The following PLA2G4A variants were observed in gnomAD, a reference collection of about 807,000 sequenced individuals.
PLA2G4A encodes the protein cytosolic phospholipase A2.
A neutral mutation model predicts 81.9 loss-of-function variants in PLA2G4A; 40 were observed. The observed-to-expected ratio is 0.49, with a 90% confidence interval of 0.38 to 0.64. The LOEUF (loss-of-function observed/expected upper bound fraction) is 0.64. Ranked by LOEUF, PLA2G4A falls within the 30% of genes least tolerant of loss-of-function variation. The pLI is 0.00. For synonymous variants in PLA2G4A, 302 were observed against 296.9 expected (o/e 1.02, Z -0.18); for missense variants, 715 against 905.1 (o/e 0.79, Z 2.69).
At chr1:186,864,230 T>A (rs1652929307) in intron 2 of PLA2G4A, among the ~76,000 whole-genome samples, 1 of 152,032 alleles carries the variant, frequency 6.6e-6, no homozygotes. Flanking sequence ...TTCCACATCT[T>A]GATTATTGTG....
chr1:186,882,460 G>A (rs1031990920), intron 3 of PLA2G4A, among the ~76,000 whole-genome samples: 5 of 152,098 alleles, frequency 3.3e-5, no homozygotes, highest in African/African-American at 1.2e-4. Context: ...GTACAGCAAA[G>A]ATCTGTTAGA....
intron 2 of PLA2G4A, among the ~76,000 whole-genome samples, chr1:186,855,428 A>G (rs74137526): frequency 0.014 from 2,148 of 151,994 alleles, 62 homozygotes; most frequent in African/African-American, 0.047. Flanking sequence ...GAGGTATAAT[A>G]TACATAAAGT....
intron 15 of PLA2G4A, among the ~76,000 whole-genome samples, chr1:186,966,017 A>G (rs1571451622): frequency 6.6e-6 from 1 of 151,834 alleles, no homozygotes; most frequent in East Asian, 1.9e-4. Flanking sequence ...AACTGAAGAT[A>G]TATTAACAAG....
rs544286208 is a variant in PLA2G4A, at chr1:186,888,495, A to C, written c.116-4516A>C. Among the ~76,000 whole-genome samples the C allele has an allele frequency of 3.9e-5, 6 of 152,288 alleles. No homozygotes were observed. In the East Asian group the frequency reaches 1.2e-3, roughly 29 times the overall value. On this transcript the variant is annotated intron_variant, in intron 3 of 17. Transcript: ENST00000367466. ...ATTCAAGTAAAGATTAAGTCTGAAA[A>C]GGCAATTTCCCCACCTACGATTTGA...
intron 8 of PLA2G4A, among the ~76,000 whole-genome samples, chr1:186,935,077 A>G (rs1655893701): frequency 6.6e-6 from 1 of 152,016 alleles, no homozygotes; most frequent in African/African-American, 2.4e-5. Flanking sequence ...ATAAGCTGTC[A>G]TAGAGGAGAA....
At chr1:186,918,765 T>G (rs1655238417) in intron 7 of PLA2G4A, among the ~76,000 whole-genome samples, 1 of 152,236 alleles carries the variant, frequency 6.6e-6, no homozygotes, top group African/African-American at 2.4e-5. Context: ...CTTCAATAGT[T>G]ATGTGGGGAT....
chr1:186,866,200 G>T (rs1402834276), intron 2 of PLA2G4A, among the ~76,000 whole-genome samples: 1 of 152,000 alleles, frequency 6.6e-6, no homozygotes, highest in African/African-American at 2.4e-5. Context: ...GTTTGAAATT[G>T]CATGTGATAG....
chr1:186,962,385 T>G lies in PLA2G4A; in HGVS notation c.1580-3024T>G, dbSNP rs533350268. 4.6e-5 allele frequency among the ~76,000 whole-genome samples: 7 copies of G among 152,232 alleles called. No individual in the cohort carries two copies. The East Asian group carries it at 1.2e-3, about 25-fold the overall frequency. ...CTACCATACTCCCATTATTGTGTTT[T>G]TAAATGTTAGGTTGAATTGCGATAA... On this transcript the variant is annotated intron_variant, in intron 14 of 17. Coordinates refer to ENST00000367466, the MANE Select transcript of PLA2G4A (RefSeq NM_024420.3).
At chr1:186,885,947 A>T (rs1369951145) in intron 3 of PLA2G4A, among the ~76,000 whole-genome samples, 2 of 152,146 alleles carry the variant, frequency 1.3e-5, no homozygotes, top group African/African-American at 4.8e-5. Flanking sequence ...AGAGAGAGGG[A>T]ATAGGGCAAA....
intron 7 of PLA2G4A, among the ~76,000 whole-genome samples, chr1:186,912,254 A>G (rs528847702): frequency 6.6e-6 from 1 of 152,292 alleles, no homozygotes; most frequent in South Asian, 2.1e-4. Context: ...CCTAACTATC[A>G]ACATCCCACA....
At chr1:186,978,066 C>T (rs1337134123) in intron 16 of PLA2G4A, among the ~76,000 whole-genome samples, 1 of 152,116 alleles carries the variant, frequency 6.6e-6, no homozygotes, top group East Asian at 1.9e-4. Flanking sequence ...TATGTTTGTT[C>T]TGATTGATTT....
At chr1:186,862,130 G>A (rs1010652685) in intron 2 of PLA2G4A, among the ~76,000 whole-genome samples, 2 of 150,692 alleles carry the variant, frequency 1.3e-5, no homozygotes, top group African/African-American at 4.9e-5. Context: ...TTTTCTGATT[G>A]CCTTTTTATA....
chr1:186,975,698 G>A (rs996668291), intron 15 of PLA2G4A, among the ~76,000 whole-genome samples: 9 of 152,134 alleles, frequency 5.9e-5, no homozygotes, highest in East Asian at 1.9e-4. Flanking sequence ...GTGTTTGTTC[G>A]TTCCTCATTA....
chr1:186,966,942 G>A (rs1657153686), intron 15 of PLA2G4A, among the ~76,000 whole-genome samples: 2 of 152,080 alleles, frequency 1.3e-5, no homozygotes, highest in Admixed American at 1.3e-4. Flanking sequence ...TTTAGGTACT[G>A]GCCAAAATAT....
chr1:186,863,761 A>AT (rs35282734), intron 2 of PLA2G4A, among the ~76,000 whole-genome samples: 1,312 of 78,232 alleles, frequency 0.017, 11 homozygotes, highest in South Asian at 0.044. Flanking sequence ...CAAATATATA[A>AT]TTTTTTTTTT....
At position 186,986,039 on chromosome 1, in the gene PLA2G4A, G is replaced by C. The variant is rs149244226; in HGVS notation, c.2119-2338G>C. 8.3e-4 allele frequency among the ~76,000 whole-genome samples: 126 copies of C among 152,156 alleles called. No homozygotes were observed. The East Asian group carries it at 0.018, about 22-fold the overall frequency. On this transcript the variant is annotated intron_variant, in intron 17 of 17. Coordinates refer to ENST00000367466, the MANE Select transcript of PLA2G4A (RefSeq NM_024420.3). ...AACTCCCAAGAACAGGGTATTTTCC[G>C]CAGTAATGTGAAAAACCTGGTTAAT...
In PLA2G4A at chr1:186,962,362, A is replaced by G. The variant is rs1254216446; in HGVS notation, c.1580-3047A>G. The stretch of plus-strand genomic sequence containing the variant: ...ATATCCCCCCAAGTAAGTAGGGACT[A>G]CCATACTCCCATTATTGTGTTTTTA... On this transcript the variant is annotated intron_variant, in intron 14 of 17. Coordinates refer to ENST00000367466, the MANE Select transcript of PLA2G4A (RefSeq NM_024420.3). Among the ~76,000 whole-genome samples, 7 of 152,198 alleles carry G rather than the reference A, an allele frequency of 4.6e-5. No homozygotes were observed. The East Asian group carries it at 1.2e-3, about 25-fold the overall frequency.
Position 186,965,524 on chromosome 1 carries a change from G to C in PLA2G4A, c.1695G>C (p.Gln565His), listed in dbSNP as rs1182762405. The stretch of plus-strand genomic sequence containing the variant: ...CGTATCCCTTGATACTGAGACCTCA[G>C]AGAGGGGTTGATCTCATAATCTCCT... ...NLPYPLILRP[Q>H]RGVDLIISFD... Residue 565 changes from glutamine (Q) to histidine (H), a missense_variant, in exon 15 of 18, where the codon CAG becomes CAC. Physicochemically the swap from Gln to His is conservative, Grantham distance 24. Coordinates refer to ENST00000367466, the MANE Select transcript of PLA2G4A (RefSeq NM_024420.3). 4 of 1,613,076 alleles carry C rather than the reference G, an allele frequency of 2.5e-6. No individual in the cohort carries two copies. The highest frequency in any genetic ancestry group is 2.5e-6 in the Non-Finnish European group (3 of 1,179,140).
chr1:186,948,466 A>C lies in PLA2G4A; in HGVS notation c.1264+1505A>C, dbSNP rs145378536. Among the ~76,000 whole-genome samples the C allele has an allele frequency of 2.2e-4, 34 of 151,594 alleles. 2 individuals are homozygous for C. The highest frequency in any genetic ancestry group is 8.6e-4 in the Admixed American group (13 of 15,168). On this transcript the variant is annotated intron_variant, in intron 12 of 17. Transcript: ENST00000367466. ...ATCCCAGATGAATGTCCTGTTCCCA[A>C]CTCTTTGTGGAAATAACAAACCCTT...
Sources: allele counts gnomAD v4.1 joint callset (sites outside exome capture counted in the v4.1 genomes callset), GRCh38; gene constraint gnomAD v4.1.1; transcripts MANE v1.5; gene names NCBI Gene and HGNC (gene_info 2026-07-23, HGNC 2026-07-21).